Variants in SLC1A1 observed in about 807,000 individuals in gnomAD.
SLC1A1 encodes solute carrier family 1 member 1, also known as excitatory amino acid transporter 3.
In SLC1A1, 43 loss-of-function variants were observed where a neutral mutation model predicts 53.3. That is an observed-to-expected ratio of 0.81 (90% confidence interval 0.63 to 1.04). SLC1A1 has a LOEUF of 1.04. Ranked by LOEUF, SLC1A1 falls within the 50% of genes least tolerant of loss-of-function variation. The probability of loss-of-function intolerance (pLI) is 0.00; values close to 1 mark genes in which losing one functional copy is unlikely to be tolerated. For synonymous variants in SLC1A1, 307 were observed against 243.2 expected, an observed-to-expected ratio of 1.26 and a Z score of -2.44; for missense variants, 748 against 664.9, an observed-to-expected ratio of 1.12 and a Z score of -1.37.
chr9:4,586,310 T>C lies in SLC1A1; in HGVS notation c.*752T>C, dbSNP rs527418275. On this transcript the variant is annotated 3_prime_UTR_variant, in exon 12 of 12. Coordinates refer to ENST00000262352, the MANE Select transcript of SLC1A1 (RefSeq NM_004170.6). ...TCAATGTGAAATAAAGAGTTCTCCTTGTACTTGAATAATAACCACGATTCC... is the reference window on the plus strand; with the variant it reads ...TCAATGTGAAATAAAGAGTTCTCCTCGTACTTGAATAATAACCACGATTCC... The C allele has an allele frequency of 6.6e-6, 1 of 152,324 alleles. No individual in the cohort carries two copies. Among genetic ancestry groups the C allele is most frequent in the South Asian group, 2.1e-4 (1 of 4,818 alleles). The allele number at this position is 152,324 out of a possible 1,614,324, so 9.4% of individuals were successfully genotyped here. A position where few individuals can be genotyped will look rare whatever the true frequency, so the allele number is the denominator to read the frequency against.
chr9:4,572,134 T>C, intron 6 of SLC1A1, 70 bp from the exon 7 acceptor site: 2 of 1,331,400 alleles, frequency 1.5e-6, no homozygotes, highest in Non-Finnish European at 2.2e-6. Flanking sequence ...TATCTTCTCA[T>C]TTCTGGACCT....
intron 2 of SLC1A1, among the ~76,000 whole-genome samples, chr9:4,550,238 C>G (rs1564027745): frequency 6.6e-6 from 1 of 152,142 alleles, no homozygotes; most frequent in Non-Finnish European, 1.5e-5. Flanking sequence ...AGGATCTTCT[C>G]CAAAGATAAA....
intron 1 of SLC1A1, among the ~76,000 whole-genome samples, chr9:4,499,203 C>T (rs912702682): frequency 6.6e-6 from 1 of 151,608 alleles, no homozygotes; most frequent in African/African-American, 2.4e-5. Context: ...CACCACCACA[C>T]CCAGCGAATT....
Position 4,576,562 on chromosome 9 carries a change from C to A in SLC1A1, c.999-7C>A. On this transcript the variant is annotated splice_region_variant and splice_polypyrimidine_tract_variant and intron_variant, in intron 9 of 11. Transcript: ENST00000262352. The stretch of plus-strand genomic sequence containing the variant: ...GACATAAGTTCCTTTCTATTTTTAT[C>A]ACACAGTTCAGCAACACTGCCTGTC... 6.2e-7 allele frequency: 1 copy of A among 1,612,360 alleles called. No homozygotes were observed. Among genetic ancestry groups the A allele is most frequent in the Non-Finnish European group, 8.5e-7 (1 of 1,178,364 alleles).
intron 1 of SLC1A1, among the ~76,000 whole-genome samples, chr9:4,530,470 T>C (rs1470517411): frequency 6.6e-6 from 1 of 152,138 alleles, no homozygotes; most frequent in Non-Finnish European, 1.5e-5. Flanking sequence ...TTTAACACAG[T>C]CATGTGTCAG....
intron 1 of SLC1A1, among the ~76,000 whole-genome samples, chr9:4,539,941 C>T (rs1816861123): frequency 6.6e-6 from 1 of 152,174 alleles, no homozygotes; most frequent in Non-Finnish European, 1.5e-5. Context: ...AAATTCTGGG[C>T]AGAAGAGGGC....
chr9:4,500,037 T>C (rs1397530070), intron 1 of SLC1A1, among the ~76,000 whole-genome samples: 1 of 152,178 alleles, frequency 6.6e-6, no homozygotes, highest in East Asian at 1.9e-4. Context: ...CATTAATTGC[T>C]TGTGAGAAAT....
chr9:4,571,681 A>AAAATAAAT (rs35825973), intron 6 of SLC1A1, among the ~76,000 whole-genome samples: 1,675 of 149,614 alleles, frequency 0.011, 17 homozygotes, highest in African/African-American at 0.026. Context: ...CATCTCAGAA[A>AAAATAAAT]AAATAAATAA....
At position 4,567,778 on chromosome 9, in the gene SLC1A1, T is replaced by G. The variant is rs1015155556; in HGVS notation, c.582+11T>G. The stretch of plus-strand genomic sequence containing the variant: ...ACTGCAATTTCCAAGGTACCATTCT[T>G]ATTTCCTGTTCCTCTTCCCCAGGAG... On this transcript the variant is annotated intron_variant, in intron 6 of 11. Transcript: ENST00000262352. The G allele has an allele frequency of 2.0e-6, 3 of 1,512,406 alleles. No homozygotes were observed. The Admixed American group carries it at 5.0e-5, about 25-fold the overall frequency. 93.7% of individuals were successfully genotyped at this position (1,512,406 alleles called of 1,614,324 possible). A position where few individuals can be genotyped will look rare whatever the true frequency, so the allele number is the denominator to read the frequency against.
chr9:4,561,666 C>A, intron 3 of SLC1A1, 125 bp downstream of exon 3: 1 of 748,276 alleles, frequency 1.3e-6, no homozygotes, highest in Non-Finnish European at 2.4e-6. Flanking sequence ...CTGATGTGGG[C>A]AGATCCCTTG....
At chr9:4,497,479 G>A (rs778982802) in intron 1 of SLC1A1, among the ~76,000 whole-genome samples, 9 of 152,158 alleles carry the variant, frequency 5.9e-5, no homozygotes, top group South Asian at 2.1e-4. Flanking sequence ...TTGCACAGTA[G>A]GGTGAATACA....
chr9:4,509,393 G>C (rs1259815106), intron 1 of SLC1A1, among the ~76,000 whole-genome samples: 1 of 152,004 alleles, frequency 6.6e-6, no homozygotes, highest in Non-Finnish European at 1.5e-5. Flanking sequence ...GGGATGGTGA[G>C]GCACCCAGGG....
intron 1 of SLC1A1, among the ~76,000 whole-genome samples, chr9:4,492,553 T>C (rs915534069): frequency 3.3e-4 from 50 of 151,492 alleles, no homozygotes; most frequent in African/African-American, 1.2e-3. Context: ...AATCCCAATA[T>C]TTTGGGAGGC....
intron 1 of SLC1A1, among the ~76,000 whole-genome samples, chr9:4,522,345 C>T (rs1816109563): frequency 6.6e-6 from 1 of 152,140 alleles, no homozygotes; most frequent in African/African-American, 2.4e-5. Context: ...GCCACCACGC[C>T]TGGCCTGAAC....
At chr9:4,501,812 T>C (rs1375996332) in intron 1 of SLC1A1, among the ~76,000 whole-genome samples, 2 of 151,510 alleles carry the variant, frequency 1.3e-5, no homozygotes, top group Non-Finnish European at 2.9e-5. Flanking sequence ...CAGCACTTAC[T>C]CAACCAAGGG....
chr9:4,542,453 A>C (rs1817101282), intron 1 of SLC1A1, among the ~76,000 whole-genome samples: 1 of 152,196 alleles, frequency 6.6e-6, no homozygotes, highest in South Asian at 2.1e-4. Context: ...AGATAATTAG[A>C]GGCACAGTTA....
At chr9:4,513,185 A>C (rs1236140298) in intron 1 of SLC1A1, among the ~76,000 whole-genome samples, 4 of 152,218 alleles carry the variant, frequency 2.6e-5, no homozygotes, top group Non-Finnish European at 4.4e-5. Context: ...ACAATTCATA[A>C]AAGAAAAAAA....
chr9:4,517,005 G>C (rs1440335336), intron 1 of SLC1A1, among the ~76,000 whole-genome samples: 1 of 152,160 alleles, frequency 6.6e-6, no homozygotes, highest in Non-Finnish European at 1.5e-5. Flanking sequence ...GGATATCGAA[G>C]CTGGCCATGT....
At chr9:4,517,455 G>A (rs538045542) in intron 1 of SLC1A1, among the ~76,000 whole-genome samples, 126 of 152,320 alleles carry the variant, frequency 8.3e-4, no homozygotes, top group Non-Finnish European at 1.5e-3. Flanking sequence ...GTGCTGGCAC[G>A]AAGAAGTCAT....
Sources: gnomAD v4.1 joint callset for allele counts (sites outside exome capture counted in the v4.1 genomes callset) on GRCh38, gnomAD v4.1.1 for gene constraint, MANE v1.5 for transcripts, NCBI Gene and HGNC (gene_info 2026-07-23, HGNC 2026-07-21) for gene names.